Variants in WNT6 observed in about 807,000 individuals in gnomAD.
WNT6 encodes Wnt family member 6, also known as protein Wnt-6.
A neutral mutation model predicts 33.1 loss-of-function variants in WNT6; 27 were observed. The ratio of observed to expected loss-of-function variants is 0.82; its 90% CI spans 0.60 to 1.12. The LOEUF (loss-of-function observed/expected upper bound fraction) is 1.12. WNT6 is among the 50% of genes most tolerant of loss of function. WNT6 has a pLI of 0.00. For missense variants in WNT6, 494 were observed against 535.3 expected (o/e 0.92, Z 0.76); for synonymous variants, 249 against 242.8 (o/e 1.03, Z -0.24).
chr2:218,871,644 C>T lies in WNT6; in HGVS notation c.461C>T (p.Pro154Leu), dbSNP rs1340294840. 3 of 1,485,400 alleles carry T rather than the reference C, an allele frequency of 2.0e-6. No homozygotes were observed. Among genetic ancestry groups the T allele is most frequent in the Non-Finnish European group, 2.7e-6 (3 of 1,120,530 alleles). 92.0% of individuals were successfully genotyped at this position (1,485,400 alleles called of 1,614,324 possible). A position where few individuals can be genotyped will look rare whatever the true frequency, so the allele number is the denominator to read the frequency against. The change falls in exon 3 of 4, where the codon CCC becomes CTC. Residue 154 changes from proline to leucine, a missense_variant. Physicochemically the swap from Pro to Leu is moderately conservative, Grantham distance 98. Transcript: ENST00000233948. The surrounding 1 kb of genome is among the most constrained non-coding windows in gnomAD (Gnocchi z 6.4). ...RPSGLPGTPGPPGPAGSPEGS... is the reference protein window; with the variant it reads ...RPSGLPGTPGLPGPAGSPEGS... ...TCCGGCCTGCCCGGCACCCCCGGAC[C>T]CCCTGGCCCCGCGGGCTCCCCGGAA...
intron 1 of WNT6, among the ~76,000 whole-genome samples, chr2:218,865,307 C>A (rs1944345491): frequency 6.6e-6 from 1 of 152,230 alleles, no homozygotes; most frequent in Non-Finnish European, 1.5e-5. Context: ...CACCCCCAGC[C>A]TGCACCCTCC....
At chr2:218,870,918 A>C in intron 1 of WNT6, 109 bp from the exon 2 acceptor site, 2 of 1,007,600 alleles carry the variant, frequency 2.0e-6, no homozygotes, top group Non-Finnish European at 2.9e-6. Context: ...GTAGGGTGGG[A>C]GGGCATGTCA....
At position 218,871,431 on chromosome 2, in the gene WNT6, A is replaced by G; in HGVS notation, c.302-54A>G. The G allele has an allele frequency of 6.4e-7, 1 of 1,570,224 alleles. No individual in the cohort carries two copies. The highest frequency in any genetic ancestry group is 8.6e-7 in the Non-Finnish European group (1 of 1,161,610). On this transcript the variant is annotated intron_variant, in intron 2 of 3. Coordinates refer to ENST00000233948, the MANE Select transcript of WNT6 (RefSeq NM_006522.4). The surrounding 1 kb of genome is among the most constrained non-coding windows in gnomAD (Gnocchi z 6.4). ...CCTCCCGCCGCAGGTTTCAGGTCCC[A>G]GGCCCCAGCTGACCGCCCCAGCCCG...
chr2:218,866,845 G>C (rs549396298), intron 1 of WNT6, among the ~76,000 whole-genome samples: 3 of 152,172 alleles, frequency 2.0e-5, no homozygotes, highest in Non-Finnish European at 4.4e-5. Flanking sequence ...TATTGTCTTC[G>C]ATGAGTTTTC....
At position 218,860,066 on chromosome 2, in the gene WNT6, G is replaced by GGCTGCT; in HGVS notation, c.42_47dup (p.Leu16_Leu17dup). 3 of 1,521,898 alleles carry GGCTGCT rather than the reference G, an allele frequency of 2.0e-6. No individual in the cohort carries two copies. The highest frequency in any genetic ancestry group is 2.6e-6 in the Non-Finnish European group (3 of 1,139,976). The allele number at this position is 1,521,898 out of a possible 1,614,324, so 94.3% of individuals were successfully genotyped here. ...CTGCCGCCCTTACCCTCCCGCCTCG[G>GGCTGCT]GCTGCTGCTGCTGCTGCTCCTGTGC... On this transcript the variant is annotated inframe_insertion, in exon 1 of 4. Coordinates refer to ENST00000233948, the MANE Select transcript of WNT6 (RefSeq NM_006522.4).
intron 3 of WNT6, among the ~76,000 whole-genome samples, chr2:218,872,975 C>T (rs534341075): frequency 6.8e-6 from 1 of 147,614 alleles, no homozygotes; most frequent in African/African-American, 2.7e-5. Flanking sequence ...TGTGCTCAGC[C>T]CGGCCTGGGG....
At position 218,873,716 on chromosome 2, in the gene WNT6, GT is replaced by G. The variant is rs1559409841; in HGVS notation, c.970del (p.Cys324AlafsTer26). The G allele has an allele frequency of 6.3e-7, 1 of 1,575,410 alleles. No homozygotes were observed. Among genetic ancestry groups the G allele is most frequent in the Non-Finnish European group, 8.6e-7 (1 of 1,167,252 alleles). On this transcript the variant is annotated frameshift_variant, in exon 4 of 4. Transcript: ENST00000233948. LOFTEE classifies it high-confidence loss of function. The surrounding 1 kb of genome is among the most constrained non-coding windows in gnomAD (Gnocchi z 6.1). ...APDLSGCDLL[C>X]CGRGHRQESV... ...CGGACCTCAGCGGCTGCGACCTGCT[GT>G]GCTGCGGCCGCGGGCACCGCCAGGA...
At position 218,870,909 on chromosome 2, in the gene WNT6, T is replaced by C. The variant is rs1454680860; in HGVS notation, c.81-118T>C. ...GACAATCTCAAGCTCAGTTTGGAGGTAGGGTGGGAGGGCATGTCACAGCTC... is the reference window on the plus strand; with the variant it reads ...GACAATCTCAAGCTCAGTTTGGAGGCAGGGTGGGAGGGCATGTCACAGCTC... On this transcript the variant is annotated intron_variant, in intron 1 of 3. Coordinates refer to ENST00000233948, the MANE Select transcript of WNT6 (RefSeq NM_006522.4). 1.2e-5 allele frequency: 11 copies of C among 892,626 alleles called. No homozygotes were observed. The Admixed American group carries it at 1.5e-4, about 12-fold the overall frequency. 55.3% of individuals were successfully genotyped at this position (892,626 alleles called of 1,614,324 possible).
Position 218,873,460 on chromosome 2 carries a change from A to C in WNT6, c.713A>C (p.Gln238Pro), listed in dbSNP as rs933076369. The change falls in exon 4 of 4, where the codon CAG becomes CCG. Residue 238 changes from glutamine to proline, a missense_variant. Coordinates refer to ENST00000233948, the MANE Select transcript of WNT6 (RefSeq NM_006522.4). This position sits in a 1 kb window ranked among gnomAD's most constrained non-coding sequence, Gnocchi z 6.1. ...TCATGCGCGCTGCGCACCTGCTGGC[A>C]GAAGCTGCCTCCATTTCGCGAGGTG... is the stretch of plus-strand genomic sequence containing the variant. ...SGSCALRTCW[Q>P]KLPPFREVGA... 3.2e-6 allele frequency: 5 copies of C among 1,538,950 alleles called. No individual in the cohort carries two copies. The highest frequency in any genetic ancestry group is 4.4e-6 in the Non-Finnish European group (5 of 1,146,682).
At position 218,874,155 on chromosome 2, in the gene WNT6, C is replaced by T. The variant is rs1944433473; in HGVS notation, c.*310C>T. ...TGGAAAAAAGCCAGTCTAAAGGCCTCTGGATACTGGGCTCCCCAGAACTGC... is the reference window on the plus strand; with the variant it reads ...TGGAAAAAAGCCAGTCTAAAGGCCTTTGGATACTGGGCTCCCCAGAACTGC... On this transcript the variant is annotated 3_prime_UTR_variant, in exon 4 of 4. Transcript: ENST00000233948. The T allele has an allele frequency of 2.7e-6, 1 of 368,434 alleles. No homozygotes were observed. The highest frequency in any genetic ancestry group is 4.8e-6 in the Non-Finnish European group (1 of 209,230). The allele number at this position is 368,434 out of a possible 1,614,324, so 22.8% of individuals were successfully genotyped here. A position where few individuals can be genotyped will look rare whatever the true frequency, so the allele number is the denominator to read the frequency against.
Position 218,871,040 on chromosome 2 carries a change from C to T in WNT6, c.94C>T (p.Pro32Ser). The T allele has an allele frequency of 3.1e-6, 5 of 1,609,638 alleles. No homozygotes were observed. The highest frequency in any genetic ancestry group is 4.2e-6 in the Non-Finnish European group (5 of 1,176,926). ...TCTGCTTTCCAGGGCTGTGGGCAGC[C>T]CCTTGGTTATGGACCCTACCAGCAT... ...VGGLWWAVGS[P>S]LVMDPTSICR... The change falls in exon 2 of 4, where the codon CCC becomes TCC. Residue 32 changes from proline (P) to serine (S), a missense_variant. Transcript: ENST00000233948. This position sits in a 1 kb window ranked among gnomAD's most constrained non-coding sequence, Gnocchi z 6.4.
intron 1 of WNT6, among the ~76,000 whole-genome samples, 153 bp downstream of exon 1, chr2:218,860,270 C>G (rs1944294524): frequency 6.6e-6 from 1 of 152,192 alleles, no homozygotes; most frequent in African/African-American, 2.4e-5. Context: ...AACTCCACTT[C>G]GACGTTCCTA....
At chr2:218,870,241 A>G (rs1048163526) in intron 1 of WNT6, among the ~76,000 whole-genome samples, 1 of 145,952 alleles carries the variant, frequency 6.9e-6, no homozygotes, top group African/African-American at 2.6e-5. Context: ...AAAAAAAAAA[A>G]GAACGAAAAC....
chr2:218,869,953 C>T (rs1944386330), intron 1 of WNT6, among the ~76,000 whole-genome samples: 1 of 152,220 alleles, frequency 6.6e-6, no homozygotes, highest in Non-Finnish European at 1.5e-5. Context: ...TGTGTGGTGG[C>T]TCATGCCTGT....
rs1172687654 is a variant in WNT6 at position 218,871,613 on chromosome 2, C to T, written c.430C>T (p.Arg144Trp). The change falls in exon 3 of 4, where the codon CGG (arginine) becomes TGG (tryptophan). Residue 144 changes from arginine to tryptophan, a missense_variant. Physicochemically the swap from Arg to Trp is moderately radical, Grantham distance 101. Coordinates refer to ENST00000233948, the MANE Select transcript of WNT6 (RefSeq NM_006522.4). The surrounding 1 kb of genome is among the most constrained non-coding windows in gnomAD (Gnocchi z 6.4). ...CQAPRGRAPPRPSGLPGTPGP... is the reference protein window; with the variant it reads ...CQAPRGRAPPWPSGLPGTPGP... ...GGCGCCCCGCGGGCGGGCCCCTCCC[C>T]GGCCCTCCGGCCTGCCCGGCACCCC... The T allele has an allele frequency of 1.4e-6, 2 of 1,474,274 alleles. No individual in the cohort carries two copies. Among genetic ancestry groups the T allele is most frequent in the South Asian group, 1.4e-5 (1 of 72,854 alleles). 91.3% of individuals were successfully genotyped at this position (1,474,274 alleles called of 1,614,324 possible).
At chr2:218,872,570 G>T (rs932834487) in intron 3 of WNT6, among the ~76,000 whole-genome samples, 2 of 152,192 alleles carry the variant, frequency 1.3e-5, no homozygotes, top group African/African-American at 4.8e-5. Context: ...CCAGGAGGGG[G>T]CAGGGCAGAC....
At position 218,871,519 on chromosome 2, in the gene WNT6, T is replaced by C. The variant is rs1944400829; in HGVS notation, c.336T>C (p.Thr112=). 6.3e-7 allele frequency: 1 copy of C among 1,597,502 alleles called. No homozygotes were observed. The highest frequency in any genetic ancestry group is 8.5e-7 in the Non-Finnish European group (1 of 1,179,302). ...IRETAFVFAI[T]AAGASHAVTQ... is the part of the protein sequence containing the mutation. ...AGACGGCCTTCGTGTTCGCCATCAC[T>C]GCGGCCGGCGCCAGCCACGCCGTCA... is the stretch of plus-strand genomic sequence containing the variant. Residue 112 remains threonine (T), a synonymous_variant, in exon 3 of 4, where the codon ACT becomes ACC. Transcript: ENST00000233948. This position sits in a 1 kb window ranked among gnomAD's most constrained non-coding sequence, Gnocchi z 6.4.
chr2:218,869,429 G>A (rs1179537707), intron 1 of WNT6, among the ~76,000 whole-genome samples: 2 of 152,060 alleles, frequency 1.3e-5, no homozygotes, highest in Non-Finnish European at 2.9e-5. Context: ...GAACATTCCT[G>A]GGCAGCCTGT....
rs551775313 is a variant in WNT6, at chr2:218,873,533, C to T, written c.786C>T (p.Gly262=). 148 of 1,538,048 alleles carry T rather than the reference C, an allele frequency of 9.6e-5. 1 individual carries two copies. In the South Asian group the frequency reaches 1.6e-3, roughly 17 times the overall value. Residue 262 remains glycine (G), a synonymous_variant, in exon 4 of 4, where the codon GGC becomes GGT. Coordinates refer to ENST00000233948, the MANE Select transcript of WNT6 (RefSeq NM_006522.4). The surrounding 1 kb of genome is among the most constrained non-coding windows in gnomAD (Gnocchi z 6.1). The part of the protein sequence containing the change: ...ERFHGASRVM[G]TNDGKALLPA... ...TCCACGGCGCCTCACGCGTCATGGG[C>T]ACCAACGACGGCAAGGCCCTGCTGC...
Sources: gnomAD v4.1 joint callset for allele counts (sites outside exome capture counted in the v4.1 genomes callset) on GRCh38, gnomAD v4.1.1 for gene constraint, Gnocchi (gnomAD v3.1) non-coding constraint, MANE v1.5 for transcripts, NCBI Gene and HGNC (gene_info 2026-07-23, HGNC 2026-07-21) for gene names.